Variants in CACNA2D2 observed in about 807,000 individuals in gnomAD.
CACNA2D2 encodes the protein calcium voltage-gated channel auxiliary subunit alpha2delta 2, also known as voltage-dependent calcium channel subunit alpha-2/delta-2.
Under a neutral mutation model 166.4 loss-of-function variants are expected in CACNA2D2, and 48 were observed. That is an observed-to-expected ratio of 0.29 (90% CI 0.23 to 0.37). The LOEUF (loss-of-function observed/expected upper bound fraction) is 0.37, where lower values mean the gene tolerates loss of function less well. Ranked by LOEUF, CACNA2D2 falls within the 10% of genes least tolerant of loss-of-function variation. The probability of loss-of-function intolerance (pLI) is 1.00; values close to 1 mark genes in which losing one functional copy is unlikely to be tolerated. For synonymous variants in CACNA2D2, 561 were observed against 573.7 expected (o/e 0.98, Z 0.32); for missense variants, 1,122 against 1,433.0 (o/e 0.78, Z 3.50).
At chr3:50,392,484 C>CAA (rs1034927380) in intron 4 of CACNA2D2, among the ~76,000 whole-genome samples, 2 of 152,166 alleles carry the variant, frequency 1.3e-5, no homozygotes, top group African/African-American at 4.8e-5. Context: ...GGCAGATGAA[C>CAA]AAGGCCGGGC....
intron 3 of CACNA2D2, among the ~76,000 whole-genome samples, chr3:50,419,406 C>A (rs568565437): frequency 2.8e-4 from 43 of 152,256 alleles, no homozygotes; most frequent in African/African-American, 9.4e-4. Context: ...GAGCCAGGAC[C>A]TGACACCATG....
chr3:50,406,661 C>T (rs1706728744), intron 3 of CACNA2D2, among the ~76,000 whole-genome samples: 1 of 151,754 alleles, frequency 6.6e-6, no homozygotes, highest in Non-Finnish European at 1.5e-5. Flanking sequence ...ACCATCACTA[C>T]CTTCATCCCC....
At chr3:50,455,240 C>T (rs558875097) in intron 2 of CACNA2D2, among the ~76,000 whole-genome samples, 1 of 152,366 alleles carries the variant, frequency 6.6e-6, no homozygotes, top group African/African-American at 2.4e-5. Context: ...GGACAAGCAC[C>T]GGAGGCATTT....
intron 3 of CACNA2D2, among the ~76,000 whole-genome samples, chr3:50,428,858 G>T (rs537767913): frequency 1.3e-5 from 2 of 152,304 alleles, no homozygotes; most frequent in East Asian, 3.9e-4. Flanking sequence ...AACACCACAT[G>T]GCCACTAATG....
At chr3:50,384,955 G>C (rs1249793606) in intron 5 of CACNA2D2, among the ~76,000 whole-genome samples, 1 of 152,256 alleles carries the variant, frequency 6.6e-6, no homozygotes, top group African/African-American at 2.4e-5. Context: ...GACCTCCAGA[G>C]GGAGGGTCTG....
intron 3 of CACNA2D2, among the ~76,000 whole-genome samples, chr3:50,433,134 A>G (rs1708148934): frequency 6.6e-6 from 1 of 152,256 alleles, no homozygotes; most frequent in Non-Finnish European, 1.5e-5. Context: ...TCCGAAAAAG[A>G]AACCCTGTAC....
intron 3 of CACNA2D2, among the ~76,000 whole-genome samples, chr3:50,413,226 T>A (rs1707109719): frequency 6.6e-6 from 1 of 151,872 alleles, no homozygotes; most frequent in African/African-American, 2.4e-5. Context: ...GCCTGAATCC[T>A]GAGCTGGCCA....
intron 2 of CACNA2D2, among the ~76,000 whole-genome samples, chr3:50,454,292 T>C (rs1709249098): frequency 6.6e-6 from 1 of 152,158 alleles, no homozygotes; most frequent in Non-Finnish European, 1.5e-5. Flanking sequence ...CTCCACAGCA[T>C]TTGCTTGGCA....
At chr3:50,392,009 G>A (rs898604304) in intron 4 of CACNA2D2, among the ~76,000 whole-genome samples, 6 of 152,306 alleles carry the variant, frequency 3.9e-5, no homozygotes, top group Non-Finnish European at 5.9e-5. Context: ...AGGAGGGGTG[G>A]ATAAGGGCAT....
intron 2 of CACNA2D2, among the ~76,000 whole-genome samples, chr3:50,461,494 T>A (rs1709579255): frequency 6.6e-6 from 1 of 152,170 alleles, no homozygotes; most frequent in Non-Finnish European, 1.5e-5. Context: ...TCCCAGCACT[T>A]TGGGAGGCCA....
chr3:50,376,227 G>A lies in CACNA2D2; in HGVS notation c.1627-39C>T. ...TTGGGGGCTCAGGGTCTGGAGGGAT[G>A]GGCTGGGGTTCCCTGGGCTCCGGAG... On this transcript the variant is annotated intron_variant, in intron 17 of 37. Coordinates refer to ENST00000424201, the MANE Select transcript of CACNA2D2 (RefSeq NM_006030.4). The surrounding 1 kb of genome is among the most constrained non-coding windows in gnomAD (Gnocchi z 4.3). The A allele has an allele frequency of 4.4e-6, 7 of 1,602,758 alleles. No individual in the cohort carries two copies. The highest frequency in any genetic ancestry group is 1.3e-5 in the African/African-American group (1 of 74,808).
intron 3 of CACNA2D2, among the ~76,000 whole-genome samples, chr3:50,412,371 G>A (rs1707057610): frequency 6.6e-6 from 1 of 152,218 alleles, no homozygotes; most frequent in African/African-American, 2.4e-5. Context: ...CCTGGAAAAC[G>A]AGACATTTCT....
In CACNA2D2 at chr3:50,367,154, A is replaced by G; in HGVS notation, c.2402-45T>C. On this transcript the variant is annotated intron_variant, in intron 27 of 37. Transcript: ENST00000424201. This position sits in a 1 kb window ranked among gnomAD's most constrained non-coding sequence, Gnocchi z 6.5. ...GTCAGGAGTGGGGTCTGGCGGCCAC[A>G]CTGACCACTCTATGCTGGGTCCTAC... 1 of 1,438,966 alleles carries G rather than the reference A, an allele frequency of 6.9e-7. No homozygotes were observed. Among genetic ancestry groups the G allele is most frequent in the Non-Finnish European group, 9.7e-7 (1 of 1,028,020 alleles). 89.1% of individuals were successfully genotyped at this position (1,438,966 alleles called of 1,614,324 possible). A position where few individuals can be genotyped will look rare whatever the true frequency, so the allele number is the denominator to read the frequency against.
chr3:50,466,416 T>C (rs1398182436), intron 2 of CACNA2D2, among the ~76,000 whole-genome samples: 1 of 152,176 alleles, frequency 6.6e-6, no homozygotes, highest in Non-Finnish European at 1.5e-5. Context: ...TACCCTAATG[T>C]GTGCCCGCTC....
chr3:50,464,352 T>C (rs539514226), intron 2 of CACNA2D2, among the ~76,000 whole-genome samples: 2 of 152,320 alleles, frequency 1.3e-5, no homozygotes, highest in African/African-American at 4.8e-5. Flanking sequence ...GTGTGCACAT[T>C]CCTGGAGGGC....
At chr3:50,441,570 CCTGTGAGG>C (rs1371877698) in intron 2 of CACNA2D2, among the ~76,000 whole-genome samples, 1 of 152,250 alleles carries the variant, frequency 6.6e-6, no homozygotes, top group Non-Finnish European at 1.5e-5. Flanking sequence ...GCAGAGCCTG[CCTGTGAGG>C]CCTGCCCTAA....
chr3:50,367,349 C>T lies in CACNA2D2; in HGVS notation c.2401+45G>A, dbSNP rs772420802. The T allele has an allele frequency of 3.7e-5, 57 of 1,556,568 alleles. No individual in the cohort carries two copies. The South Asian group carries it at 5.7e-4, about 16-fold the overall frequency. ...AGTTCTGGCTGAGCAGACAGGGAAG[C>T]TGAGGCTCCCTGCCTGCTGCTGGGC... On this transcript the variant is annotated intron_variant, in intron 27 of 37. Coordinates refer to ENST00000424201, the MANE Select transcript of CACNA2D2 (RefSeq NM_006030.4). This position sits in a 1 kb window ranked among gnomAD's most constrained non-coding sequence, Gnocchi z 6.5.
intron 2 of CACNA2D2, among the ~76,000 whole-genome samples, chr3:50,446,599 G>C (rs1175468221): frequency 6.6e-6 from 1 of 152,224 alleles, no homozygotes; most frequent in African/African-American, 2.4e-5. Flanking sequence ...CCAGGGCTAT[G>C]AAAGTCAGCG....
chr3:50,385,856 G>A (rs902247930), intron 5 of CACNA2D2, among the ~76,000 whole-genome samples: 4 of 152,180 alleles, frequency 2.6e-5, no homozygotes, highest in African/African-American at 7.2e-5. Flanking sequence ...AAATGTCAGC[G>A]GCAGATGAAG....
Sources: gnomAD v4.1 joint callset for allele counts (sites outside exome capture counted in the v4.1 genomes callset) on GRCh38, gnomAD v4.1.1 for gene constraint, Gnocchi (gnomAD v3.1) non-coding constraint, MANE v1.5 for transcripts, NCBI Gene and HGNC (gene_info 2026-07-23, HGNC 2026-07-21) for gene names.